The following TLR10 variants were observed in gnomAD, a reference collection of about 807,000 sequenced individuals.
TLR10 encodes the protein toll-like receptor 10.
For synonymous variants in TLR10, 288 were observed against 338.8 expected, an observed-to-expected ratio of 0.85 and a Z score of 1.65; for missense variants, 929 against 932.9, an observed-to-expected ratio of 1.00 and a Z score of 0.05.
intron 1 of TLR10, among the ~76,000 whole-genome samples, chr4:38,780,248 C>CA (rs1438203473): frequency 6.6e-6 from 1 of 151,644 alleles, no homozygotes; most frequent in Non-Finnish European, 1.5e-5. Context: ...TAAAAAAATA[C>CA]AAAAAATTAG....
rs115237141 is a variant in TLR10 at position 38,779,975 on chromosome 4, T to C, written c.-569+2946A>G. ...TTGAATGCACATATGAATGAATGAA[T>C]CCTTGTATGTATGAATTTCAACGTT... On this transcript the variant is annotated intron_variant, in intron 1 of 3. Transcript: ENST00000308973. Among the ~76,000 whole-genome samples, 856 of 152,340 alleles carry C rather than the reference T, an allele frequency of 5.6e-3. 6 individuals carry two copies. The highest frequency in any genetic ancestry group is 0.02 in the African/African-American group (819 of 41,566).
chr4:38,772,373 C>T lies in TLR10; in HGVS notation c.*782G>A, dbSNP rs1724678891. 1 of 152,138 alleles carries T rather than the reference C, an allele frequency of 6.6e-6. No homozygotes were observed. Among genetic ancestry groups the T allele is most frequent in the Admixed American group, 6.5e-5 (1 of 15,282 alleles). 9.4% of individuals were successfully genotyped at this position (152,138 alleles called of 1,614,324 possible). A position where few individuals can be genotyped will look rare whatever the true frequency, so the allele number is the denominator to read the frequency against. On this transcript the variant is annotated 3_prime_UTR_variant, in exon 4 of 4. Coordinates refer to ENST00000308973, the MANE Select transcript of TLR10 (RefSeq NM_030956.4). Reference sequence around the variant, plus strand: ...TGTAATCCAACCTCCCAGACCCAAACCACTGTTACTACATCTGGTATAGAT... The same window carrying T: ...TGTAATCCAACCTCCCAGACCCAAATCACTGTTACTACATCTGGTATAGAT...
Position 38,773,206 on chromosome 4 carries a change from A to G in TLR10, c.2385T>C (p.Asn795=). Residue 795 remains asparagine, a synonymous_variant, in exon 4 of 4, where the codon AAT becomes AAC. Transcript: ENST00000308973. ...MYELQTFTEL[N]EESRGSTISL... ...AGATTGTAGAACCTCGAGACTCTTC[A>G]TTTAACTCTGTGAATGTCTGCAGTT... 1 of 1,571,118 alleles carries G rather than the reference A, an allele frequency of 6.4e-7. No homozygotes were observed.
At chr4:38,777,102 G>A (rs898125696) in intron 1 of TLR10, among the ~76,000 whole-genome samples, 38 of 152,172 alleles carry the variant, frequency 2.5e-4, no homozygotes, top group African/African-American at 8.9e-4. Context: ...TGAGATTTGG[G>A]TGGGGACCAA....
At position 38,773,196 on chromosome 4, in the gene TLR10, G is replaced by T. The variant is rs749631985; in HGVS notation, c.2395C>A (p.Arg799=). 6.4e-7 allele frequency: 1 copy of T among 1,555,968 alleles called. No homozygotes were observed. Among genetic ancestry groups the T allele is most frequent in the African/African-American group, 1.4e-5 (1 of 72,652 alleles). The stretch of plus-strand genomic sequence containing the variant: ...CTCATCAGAGAGATTGTAGAACCTC[G>T]AGACTCTTCATTTAACTCTGTGAAT... ...QTFTELNEES[R]GSTISLMRTD... is the part of the protein sequence containing the mutation. The change falls in exon 4 of 4, where the codon CGA becomes AGA. Residue 799 remains arginine (R), a synonymous_variant. Coordinates refer to ENST00000308973, the MANE Select transcript of TLR10 (RefSeq NM_030956.4).
intron 1 of TLR10, among the ~76,000 whole-genome samples, chr4:38,777,625 A>G (rs917567094): frequency 1.3e-5 from 2 of 152,226 alleles, no homozygotes; most frequent in African/African-American, 4.8e-5. Flanking sequence ...AACCCCATCA[A>G]AAAGTGGGTG....
chr4:38,776,881 T>C (rs959093424), intron 1 of TLR10, among the ~76,000 whole-genome samples: 1 of 152,128 alleles, frequency 6.6e-6, no homozygotes, highest in East Asian at 1.9e-4. Context: ...ACAATCATGG[T>C]GGAAGGCGAA....
Position 38,774,679 on chromosome 4 carries a change from C to T in TLR10, c.912G>A (p.Leu304=). The T allele has an allele frequency of 6.4e-7, 1 of 1,562,544 alleles. No individual in the cohort carries two copies. Among genetic ancestry groups the T allele is most frequent in the South Asian group, 1.2e-5 (1 of 81,556 alleles). ...AAAACACTCTGAAATGTACATGCTCCAATTTTATAGTTCTCATTACAGTAT... is the reference window on the plus strand; with the variant it reads ...AAAACACTCTGAAATGTACATGCTCTAATTTTATAGTTCTCATTACAGTAT... ...YSNTVMRTIK[L]EHVHFRVFYI... is the part of the protein sequence containing the mutation. The change falls in exon 4 of 4, where the codon TTG becomes TTA. Residue 304 remains leucine, a synonymous_variant. Coordinates refer to ENST00000308973, the MANE Select transcript of TLR10 (RefSeq NM_030956.4).
chr4:38,780,876 G>A (rs1560447428), intron 1 of TLR10, among the ~76,000 whole-genome samples: 1 of 152,158 alleles, frequency 6.6e-6, no homozygotes, highest in Admixed American at 6.5e-5. Flanking sequence ...GTTGACAAAG[G>A]TGCTTTTAAT....
intron 1 of TLR10, among the ~76,000 whole-genome samples, chr4:38,779,663 A>C (rs1725273791): frequency 6.6e-6 from 1 of 152,212 alleles, no homozygotes; most frequent in Non-Finnish European, 1.5e-5. Context: ...TATTGTGTTC[A>C]TAGTATCCAA....
chr4:38,773,635 C>A lies in TLR10; in HGVS notation c.1956G>T (p.Leu652Phe). Reference protein sequence around the residue: ...EHDSLWVKNELIPNLEKEDGS... With the variant: ...EHDSLWVKNEFIPNLEKEDGS... ...CATCTTCCTTCTCTAGATTGGGGATCAATTCATTCTTCACCCACAGAGAAT... is the reference window on the plus strand; with the variant it reads ...CATCTTCCTTCTCTAGATTGGGGATAAATTCATTCTTCACCCACAGAGAAT... The change falls in exon 4 of 4, where the codon TTG (leucine) becomes TTT (phenylalanine). Residue 652 changes from leucine (L) to phenylalanine (F), a missense_variant. Coordinates refer to ENST00000308973, the MANE Select transcript of TLR10 (RefSeq NM_030956.4). 6.2e-7 allele frequency: 1 copy of A among 1,603,468 alleles called. No homozygotes were observed. Among genetic ancestry groups the A allele is most frequent in the African/African-American group, 1.3e-5 (1 of 74,700 alleles).
chr4:38,774,173 A>G lies in TLR10; in HGVS notation c.1418T>C (p.Ile473Thr), dbSNP rs11466657. The G allele has an allele frequency of 0.027, 42,787 of 1,611,554 alleles. 681 individuals are homozygous for G. Among genetic ancestry groups the G allele is most frequent in the Middle Eastern group, 0.053 (319 of 6,044 alleles). ...GAGATCAGTTAGAAAATTAAATGCA[A>G]TATTTAGTTCTCGTAAGGCCATCAG... ...IHLMALRELN[I>T]AFNFLTDLPG... The change falls in exon 4 of 4, where the codon ATT becomes ACT. Residue 473 changes from isoleucine to threonine, a missense_variant. Physicochemically the swap from Ile to Thr is moderately conservative, Grantham distance 89. Transcript: ENST00000308973.
At chr4:38,778,761 A>G (rs1242729023) in intron 1 of TLR10, among the ~76,000 whole-genome samples, 1 of 152,118 alleles carries the variant, frequency 6.6e-6, no homozygotes, top group Non-Finnish European at 1.5e-5. Flanking sequence ...GGTCACTCCC[A>G]TAGACAAGCA....
chr4:38,774,335 C>T lies in TLR10; in HGVS notation c.1256G>A (p.Trp419Ter), dbSNP rs763527838. The change falls in exon 4 of 4, where the codon TGG becomes TAG. Residue 419 changes from tryptophan (W) to a stop codon, truncating the protein, a stop_gained. Coordinates refer to ENST00000308973, the MANE Select transcript of TLR10 (RefSeq NM_030956.4). LOFTEE classifies it low-confidence loss of function (END_TRUNC). ...LQHKNDENCS[W>*]PETVVNMNLS... ...ATTCATATTGACCACAGTTTCTGGC[C>T]ATGAGCAATTTTCATCATTTTTATG... 7 of 1,611,320 alleles carry T rather than the reference C, an allele frequency of 4.3e-6. No individual in the cohort carries two copies. The highest frequency in any genetic ancestry group is 1.7e-5 in the Admixed American group (1 of 59,512).
Position 38,774,907 on chromosome 4 carries a change from A to G in TLR10, c.684T>C (p.Phe228=). The change falls in exon 4 of 4, where the codon TTT becomes TTC. Residue 228 remains phenylalanine, a synonymous_variant. Transcript: ENST00000308973. ...GATTTCGTTGCATTTCATAACTTAC[A>G]AATTGGCTTTTGCCATCTATATTTG... ...EMTNIDGKSQ[F]VSYEMQRNLS... is the part of the protein sequence containing the mutation. 6.2e-7 allele frequency: 1 copy of G among 1,611,320 alleles called. No individual in the cohort carries two copies. Among genetic ancestry groups the G allele is most frequent in the Non-Finnish European group, 8.5e-7 (1 of 1,178,996 alleles).
intron 1 of TLR10, among the ~76,000 whole-genome samples, chr4:38,781,491 C>T (rs1725409615): frequency 6.6e-6 from 1 of 152,124 alleles, no homozygotes; most frequent in Non-Finnish European, 1.5e-5. Flanking sequence ...CCTGCCATCA[C>T]ACCCGGCTAA....
rs199540767 is a variant in TLR10 at position 38,772,620 on chromosome 4, C to CTTTTTT, written c.*529_*534dup. 5 of 138,700 alleles carry CTTTTTT rather than the reference C, an allele frequency of 3.6e-5. No individual in the cohort carries two copies. Among genetic ancestry groups the CTTTTTT allele is most frequent in the Non-Finnish European group, 1.6e-5 (1 of 63,382 alleles). The allele number at this position is 138,700 out of a possible 1,614,324, so 8.6% of individuals were successfully genotyped here. A position where few individuals can be genotyped will look rare whatever the true frequency, so the allele number is the denominator to read the frequency against. On this transcript the variant is annotated 3_prime_UTR_variant, in exon 4 of 4. Coordinates refer to ENST00000308973, the MANE Select transcript of TLR10 (RefSeq NM_030956.4). ...CCATGAGGATGTTTTCCATTTTTTT[C>CTTTTTT]TTTTTTTTTTTTCTTTTTTTTGAGA...
rs1724876775 is a variant in TLR10 at position 38,774,296 on chromosome 4, T to A, written c.1295A>T (p.Lys432Ile). The change falls in exon 4 of 4, where the codon AAA (lysine) becomes ATA (isoleucine). Residue 432 changes from lysine to isoleucine, a missense_variant. Lys to Ile is a moderately radical substitution (Grantham distance 102). Coordinates refer to ENST00000308973, the MANE Select transcript of TLR10 (RefSeq NM_030956.4). Reference protein sequence around the residue: ...TVVNMNLSYNKLSDSVFRCLP... With the variant: ...TVVNMNLSYNILSDSVFRCLP... ...GCACCTGAAGACAGAATCAGACAATTTATTGTATGACAGATTCATATTGAC... is the reference window on the plus strand; with the variant it reads ...GCACCTGAAGACAGAATCAGACAATATATTGTATGACAGATTCATATTGAC... 6.2e-7 allele frequency: 1 copy of A among 1,613,072 alleles called. No individual in the cohort carries two copies.
chr4:38,778,546 G>A (rs1030911023), intron 1 of TLR10, among the ~76,000 whole-genome samples: 2 of 152,156 alleles, frequency 1.3e-5, no homozygotes, highest in East Asian at 1.9e-4. Context: ...ACACTATAGC[G>A]TAACTTGTGC....
Sources: gnomAD v4.1 joint callset for allele counts (sites outside exome capture counted in the v4.1 genomes callset) on GRCh38, gnomAD v4.1.1 for gene constraint, MANE v1.5 for transcripts, NCBI Gene and HGNC (gene_info 2026-07-23, HGNC 2026-07-21) for gene names.